The following ITPR2 variants were observed in gnomAD, a reference collection of about 807,000 sequenced individuals.
ITPR2 encodes inositol 1,4,5-trisphosphate-gated calcium channel ITPR2.
A neutral mutation model predicts 317.1 loss-of-function variants in ITPR2; 207 were observed. That is an observed-to-expected ratio of 0.65 (90% CI 0.58 to 0.73). ITPR2 has a LOEUF of 0.73. ITPR2 is among the 30% of genes least tolerant of loss of function. The probability of loss-of-function intolerance (pLI) is 0.00; values close to 1 mark genes in which losing one functional copy is unlikely to be tolerated. For synonymous variants in ITPR2, 1,156 were observed against 1,149.1 expected (o/e 1.01, Z -0.12); for missense variants, 2,613 against 3,284.0 (o/e 0.80, Z 4.99).
intron 45 of ITPR2, among the ~76,000 whole-genome samples, chr12:26,463,852 T>G (rs1320727029): frequency 1.3e-5 from 2 of 152,152 alleles, no homozygotes; most frequent in Admixed American, 6.5e-5. Flanking sequence ...CTCCCACAGT[T>G]GCAACACAGG....
intron 55 of ITPR2, among the ~76,000 whole-genome samples, chr12:26,382,692 G>GA (rs1939546387): frequency 6.6e-6 from 1 of 151,990 alleles, no homozygotes; most frequent in African/African-American, 2.4e-5. Flanking sequence ...AAAAGAATTT[G>GA]AAAACAGAGG....
Position 26,599,034 on chromosome 12 carries a change from TTAAA to T in ITPR2, c.4002+107_4002+110del. On this transcript the variant is annotated intron_variant, in intron 30 of 56. Coordinates refer to ENST00000381340, the MANE Select transcript of ITPR2 (RefSeq NM_002223.4). ...TTGCACTTGAGTAGTCATGATTAAATTAAATAATTTTCCAAACCTATGTTGTTGG... is the reference window on the plus strand; with the variant it reads ...TTGCACTTGAGTAGTCATGATTAAATTAATTTTCCAAACCTATGTTGTTGG... 3 of 931,142 alleles carry T rather than the reference TTAAA, an allele frequency of 3.2e-6. No homozygotes were observed. In the South Asian group the frequency reaches 4.7e-5, roughly 15 times the overall value. 57.7% of individuals were successfully genotyped at this position (931,142 alleles called of 1,614,324 possible).
chr12:26,632,766 C>T (rs1330369606), intron 21 of ITPR2, among the ~76,000 whole-genome samples: 3 of 152,178 alleles, frequency 2.0e-5, no homozygotes, highest in Non-Finnish European at 2.9e-5. Context: ...GGAGGGATCA[C>T]GCTCTTTCCG....
chr12:26,594,025 T>C (rs1218831043), intron 32 of ITPR2, among the ~76,000 whole-genome samples: 1 of 152,196 alleles, frequency 6.6e-6, no homozygotes, highest in Non-Finnish European at 1.5e-5. Flanking sequence ...AGCTTAGTCA[T>C]TGGCATGGAA....
At chr12:26,710,379 G>C (rs1209088905) in intron 9 of ITPR2, among the ~76,000 whole-genome samples, 2 of 152,176 alleles carry the variant, frequency 1.3e-5, no homozygotes, top group Non-Finnish European at 2.9e-5. Flanking sequence ...GGAGTGTAGT[G>C]TGATTAATTT....
In ITPR2 at chr12:26,820,053, A is replaced by G. The variant is rs140930793; in HGVS notation, c.92+12637T>C. On this transcript the variant is annotated intron_variant, in intron 1 of 56. Coordinates refer to ENST00000381340, the MANE Select transcript of ITPR2 (RefSeq NM_002223.4). ...GCCACTGCACTCCAGCCTGGGTGAC[A>G]GCAGAGTGAGACTCAGTCTCAAAAA... Among the ~76,000 whole-genome samples, 202 of 152,254 alleles carry G rather than the reference A, an allele frequency of 1.3e-3. 6 individuals carry two copies. The East Asian group carries it at 0.031, about 23-fold the overall frequency.
At chr12:26,603,003 T>A (rs1946037484) in intron 26 of ITPR2, among the ~76,000 whole-genome samples, 1 of 152,174 alleles carries the variant, frequency 6.6e-6, no homozygotes, top group South Asian at 2.1e-4. Flanking sequence ...ATATGAGACA[T>A]ATATATCTCA....
intron 23 of ITPR2, among the ~76,000 whole-genome samples, chr12:26,626,035 C>A (rs1301682310): frequency 1.3e-5 from 2 of 152,208 alleles, no homozygotes; most frequent in African/African-American, 4.8e-5. Context: ...AACTTCAACT[C>A]ACTGCAGCGT....
intron 28 of ITPR2, among the ~76,000 whole-genome samples, chr12:26,601,954 C>G (rs1373660934): frequency 6.6e-6 from 1 of 152,212 alleles, no homozygotes; most frequent in Non-Finnish European, 1.5e-5. Context: ...AGATGATCCA[C>G]ATTAAAGGAC....
At chr12:26,479,866 G>T (rs1381797660) in intron 43 of ITPR2, among the ~76,000 whole-genome samples, 1 of 152,096 alleles carries the variant, frequency 6.6e-6, no homozygotes, top group Non-Finnish European at 1.5e-5. Flanking sequence ...ATGGGCCCAG[G>T]AGTTCAATAT....
chr12:26,407,801 G>A (rs1251855802), intron 52 of ITPR2, among the ~76,000 whole-genome samples: 1 of 152,186 alleles, frequency 6.6e-6, no homozygotes, highest in Admixed American at 6.5e-5. Flanking sequence ...TACCGAAAAT[G>A]TAAGGATAAC....
intron 8 of ITPR2, among the ~76,000 whole-genome samples, chr12:26,712,835 A>G (rs1186571904): frequency 3.3e-5 from 5 of 152,202 alleles, no homozygotes; most frequent in Non-Finnish European, 5.9e-5. Flanking sequence ...TGTTTATCAC[A>G]ATGATTTTGG....
At chr12:26,587,385 T>C (rs1310158185) in intron 32 of ITPR2, among the ~76,000 whole-genome samples, 2 of 152,074 alleles carry the variant, frequency 1.3e-5, no homozygotes, top group African/African-American at 2.4e-5. Flanking sequence ...TTATTTTATA[T>C]AGGGTGGTTG....
chr12:26,477,820 G>T lies in ITPR2; in HGVS notation c.6124-813C>A, dbSNP rs1354560476. 2.0e-5 allele frequency among the ~76,000 whole-genome samples: 3 copies of T among 152,050 alleles called. No homozygotes were observed. The East Asian group carries it at 5.8e-4, about 29-fold the overall frequency. ...GCACAATATCCTAAACATTTTGAAA[G>T]ATGTTACTTCATGCTGTGTTTTTAA... On this transcript the variant is annotated intron_variant, in intron 43 of 56. Transcript: ENST00000381340.
chr12:26,516,255 A>ATGAAAGGAAGGGAAG (rs1943494632), intron 37 of ITPR2, among the ~76,000 whole-genome samples: 1 of 36,924 alleles, frequency 2.7e-5, no homozygotes, highest in Non-Finnish European at 6.5e-5. Context: ...AGGAAAGGAA[A>ATGAAAGGAAGGGAAG]GGAAAGGAAA....
chr12:26,577,388 G>C (rs1177651558), intron 34 of ITPR2, among the ~76,000 whole-genome samples: 1 of 152,202 alleles, frequency 6.6e-6, no homozygotes, highest in African/African-American at 2.4e-5. Flanking sequence ...TATCTGAGGA[G>C]AACTGGCATC....
intron 2 of ITPR2, among the ~76,000 whole-genome samples, chr12:26,773,981 ATTTTT>A (rs34106132): frequency 2.2e-5 from 2 of 91,390 alleles, no homozygotes. Flanking sequence ...CAACTGGAGA[ATTTTT>A]TTTTTTTTTT....
intron 55 of ITPR2, among the ~76,000 whole-genome samples, chr12:26,380,805 C>A (rs1939487393): frequency 6.6e-6 from 1 of 152,118 alleles, no homozygotes; most frequent in South Asian, 2.1e-4. Context: ...AGTTACTGCT[C>A]AAAAATATGT....
rs1565517429 is a variant in ITPR2 at position 26,421,645 on chromosome 12, A to AAACAGTCTCCC, written c.6946-2433_6946-2432insGGGAGACTGTT. Among the ~76,000 whole-genome samples the AAACAGTCTCCC allele has an allele frequency of 3.9e-5, 6 of 152,182 alleles. No homozygotes were observed. In the South Asian group the frequency reaches 6.2e-4, roughly 16 times the overall value. ...GTTGACATCGTCTAACCAGTCCTTC[A>AAACAGTCTCCC]TTTGTCAGTGCCATTATAGCAAGGG... On this transcript the variant is annotated intron_variant, in intron 49 of 56. Transcript: ENST00000381340.
Sources: allele counts gnomAD v4.1 joint callset (sites outside exome capture counted in the v4.1 genomes callset), GRCh38; gene constraint gnomAD v4.1.1; transcripts MANE v1.5; gene names NCBI Gene and HGNC (gene_info 2026-07-23, HGNC 2026-07-21).